Variants in GPRC5C observed in about 807,000 individuals in gnomAD.
The protein encoded by GPRC5C is G protein-coupled receptor class C group 5 member C.
GPRC5C carries 22 observed loss-of-function variants against 31.4 expected under a neutral mutation model. That is an observed-to-expected ratio of 0.70 (90% CI 0.50 to 1.00). GPRC5C has a LOEUF of 1.00. GPRC5C is among the 50% of genes least tolerant of loss of function. The pLI, the probability that GPRC5C is intolerant of heterozygous loss-of-function variation, is 0.00. For missense variants in GPRC5C, 557 were observed against 597.2 expected, an observed-to-expected ratio of 0.93 and a Z score of 0.70; for synonymous variants, 249 against 257.5, an observed-to-expected ratio of 0.97 and a Z score of 0.32.
chr17:74,448,012 T>C (rs1015271261), downstream of GPRC5C, among the ~76,000 whole-genome samples: 1 of 152,210 alleles, frequency 6.6e-6, no homozygotes, highest in African/African-American at 2.4e-5. Flanking sequence ...GAGCGGTCAT[T>C]AAAATGTCCA....
intron 3 of GPRC5C, chr17:74,446,506 G>A (rs2055637734): frequency 4.5e-6 from 1 of 222,266 alleles, no homozygotes. Context: ...ATGTCAGACA[G>A]GTAGTAGCAG....
rs774318472 is a variant in GPRC5C, at chr17:74,440,166, C to T, written c.390C>T (p.Cys130=). 3 of 1,614,224 alleles carry T rather than the reference C, an allele frequency of 1.9e-6. No homozygotes were observed. Among genetic ancestry groups the T allele is most frequent in the Non-Finnish European group, 2.5e-6 (3 of 1,180,038 alleles). ...TCTTTGGGGTTCTGTTCGCCATCTGCTTCTCTTGTCTGGCGGCTCACGTCT... is the reference window on the plus strand; with the variant it reads ...TCTTTGGGGTTCTGTTCGCCATCTGTTTCTCTTGTCTGGCGGCTCACGTCT... The part of the protein sequence containing the change: ...RFLFGVLFAI[C]FSCLAAHVFA... Residue 130 remains cysteine, a synonymous_variant, in exon 2 of 4, where the codon TGC becomes TGT. Transcript: ENST00000392627. This position sits in a 1 kb window ranked among gnomAD's most constrained non-coding sequence, Gnocchi z 4.4.
intron 3 of GPRC5C, chr17:74,446,018 A>G: frequency 7.1e-6 from 1 of 141,694 alleles, no homozygotes; most frequent in Non-Finnish European, 1.5e-5. Context: ...TACAAAAAAA[A>G]AAAAAAGACT....
chr17:74,443,544 T>C, intron 2 of GPRC5C: 1 of 599,186 alleles, frequency 1.7e-6, no homozygotes, highest in Non-Finnish European at 3.1e-6. Flanking sequence ...TCTGAGCTGT[T>C]GGGTCAGGGG....
intron 1 of GPRC5C, 196 bp downstream of exon 1, chr17:74,432,337 G>T: frequency 5.6e-6 from 8 of 1,422,766 alleles, no homozygotes; most frequent in Non-Finnish European, 7.3e-6. Context: ...AACCCAGCGC[G>T]CCTGGCTCAG....
In GPRC5C at chr17:74,440,854, G is replaced by GC. The variant is rs767853821; in HGVS notation, c.1051+31dup. ...TGGGTCTCTGTGGATGCCCCCAGTG[G>GC]CCCCTTTCTCCATCCCATGTCTTTT... On this transcript the variant is annotated intron_variant, in intron 2 of 3. Transcript: ENST00000392627. The surrounding 1 kb of genome is among the most constrained non-coding windows in gnomAD (Gnocchi z 4.4). 1.4e-6 allele frequency: 2 copies of GC among 1,444,532 alleles called. No individual in the cohort carries two copies. The highest frequency in any genetic ancestry group is 1.7e-5 in the South Asian group (1 of 59,702). The allele number at this position is 1,444,532 out of a possible 1,614,324, so 89.5% of individuals were successfully genotyped here.
rs886449245 is a variant in GPRC5C, at chr17:74,433,848, G to T, written c.-33+1707G>T. 5 of 921,720 alleles carry T rather than the reference G, an allele frequency of 5.4e-6. No homozygotes were observed. In the African/African-American group the frequency reaches 8.1e-5, roughly 15 times the overall value. The allele number at this position is 921,720 out of a possible 1,614,324, so 57.1% of individuals were successfully genotyped here. ...CCCTGGTGGGTGGAGGGGGTCTCAGGCTTGTGTGTGGATGATGCTGGAGCG... is the reference window on the plus strand; with the variant it reads ...CCCTGGTGGGTGGAGGGGGTCTCAGTCTTGTGTGTGGATGATGCTGGAGCG... On this transcript the variant is annotated intron_variant, in intron 1 of 3. Coordinates refer to ENST00000392627, the MANE Select transcript of GPRC5C (RefSeq NM_022036.4).
In GPRC5C at chr17:74,432,098, A is replaced by T; in HGVS notation, c.-76A>T. ...CACGCCGGCAGGGCCAGAAACTCCC[A>T]TCTCCCTCACCAGCCGGAAAGTACG... On this transcript the variant is annotated 5_prime_UTR_variant, in exon 1 of 4. Transcript: ENST00000392627. 6.2e-7 allele frequency: 1 copy of T among 1,613,308 alleles called. No individual in the cohort carries two copies. The highest frequency in any genetic ancestry group is 2.2e-5 in the East Asian group (1 of 44,818).
chr17:74,433,696 G>A, intron 1 of GPRC5C: 1 of 1,610,174 alleles, frequency 6.2e-7, no homozygotes, highest in South Asian at 1.1e-5. Context: ...TGGTATCCCT[G>A]GGGGAACCTC....
downstream of GPRC5C, chr17:74,448,725 A>G (rs2055678969): frequency 4.1e-6 from 2 of 485,846 alleles, no homozygotes; most frequent in Non-Finnish European, 7.8e-6. Context: ...GGTGGGAAGG[A>G]CTAGTATTCT....
rs950879824 is a variant in GPRC5C at position 74,440,135 on chromosome 17, G to A, written c.359G>A (p.Arg120His). ...GACTTCTCCACCTGTGCCTCTCGGCGCTTCCTCTTTGGGGTTCTGTTCGCC... is the reference window on the plus strand; with the variant it reads ...GACTTCTCCACCTGTGCCTCTCGGCACTTCCTCTTTGGGGTTCTGTTCGCC... ...KPDFSTCASRRFLFGVLFAIC... is the reference protein window; with the variant it reads ...KPDFSTCASRHFLFGVLFAIC... The change falls in exon 2 of 4, where the codon CGC becomes CAC. Residue 120 changes from arginine (R) to histidine (H), a missense_variant. Transcript: ENST00000392627. This position sits in a 1 kb window ranked among gnomAD's most constrained non-coding sequence, Gnocchi z 4.4. The A allele has an allele frequency of 1.7e-5, 28 of 1,614,040 alleles. 1 individual carries two copies. In the Admixed American group the frequency reaches 3.3e-4, roughly 19 times the overall value.
chr17:74,447,548 C>A, downstream of GPRC5C: 1 of 175,504 alleles, frequency 5.7e-6, no homozygotes, highest in Non-Finnish European at 1.1e-5. Flanking sequence ...ACATTTAAAG[C>A]TGCTGCAGAT....
chr17:74,448,037 G>T (rs748328371), downstream of GPRC5C, among the ~76,000 whole-genome samples: 1 of 152,176 alleles, frequency 6.6e-6, no homozygotes, highest in South Asian at 2.1e-4. Flanking sequence ...TGCGGGGTGC[G>T]ATGGCTCATG....
intron 1 of GPRC5C, 70 bp downstream of exon 1, chr17:74,432,211 G>A (rs1032003096): frequency 8.3e-6 from 13 of 1,559,726 alleles, no homozygotes; most frequent in South Asian, 4.7e-5. Context: ...CCTGGAGCGC[G>A]GCGGGCGCCC....
At chr17:74,433,917 C>T (rs910959361) in intron 1 of GPRC5C, among the ~76,000 whole-genome samples, 2 of 152,170 alleles carry the variant, frequency 1.3e-5, no homozygotes, top group South Asian at 2.1e-4. Context: ...GCCTGGCTGT[C>T]TCCCCGGTTG....
Position 74,440,623 on chromosome 17 carries a change from G to A in GPRC5C, c.847G>A (p.Ala283Thr), listed in dbSNP as rs200067788. 8.7e-6 allele frequency: 14 copies of A among 1,608,190 alleles called. No homozygotes were observed. The highest frequency in any genetic ancestry group is 1.7e-4 in the Middle Eastern group (1 of 6,042). The change falls in exon 2 of 4, where the codon GCC (alanine) becomes ACC (threonine). Residue 283 changes from alanine to threonine, a missense_variant. Transcript: ENST00000392627. This position sits in a 1 kb window ranked among gnomAD's most constrained non-coding sequence, Gnocchi z 4.4. The part of the protein sequence containing the change: ...PTWDDPTLAI[A>T]LAANAWAFVL... The stretch of plus-strand genomic sequence containing the variant: ...CTGGGATGACCCCACGCTGGCCATC[G>A]CCCTCGCCGCCAATGCCTGGGCCTT...
chr17:74,438,961 C>G (rs1346202387), intron 1 of GPRC5C, among the ~76,000 whole-genome samples: 1 of 152,206 alleles, frequency 6.6e-6, no homozygotes, highest in East Asian at 1.9e-4. Context: ...TTCTTGCCTT[C>G]TAGCTACAAC....
At chr17:74,432,436 G>A in intron 1 of GPRC5C, 1 of 1,125,328 alleles carries the variant, frequency 8.9e-7, no homozygotes, top group Non-Finnish European at 1.1e-6. Flanking sequence ...GCCCCGCGCC[G>A]CGTCCCTCCC....
intron 1 of GPRC5C, among the ~76,000 whole-genome samples, chr17:74,432,712 T>A (rs556286988): frequency 0.022 from 3,201 of 148,232 alleles, 55 homozygotes; most frequent in Non-Finnish European, 0.036. Context: ...AGCCCGGCGC[T>A]GCGGCTCGGG....
Sources: gnomAD v4.1 joint callset for allele counts (sites outside exome capture counted in the v4.1 genomes callset) on GRCh38, gnomAD v4.1.1 for gene constraint, Gnocchi (gnomAD v3.1) non-coding constraint, MANE v1.5 for transcripts, NCBI Gene and HGNC (gene_info 2026-07-23, HGNC 2026-07-21) for gene names.